Variants in SLC24A2 observed in about 807,000 individuals in gnomAD.
SLC24A2 encodes solute carrier family 24 member 2.
A neutral mutation model predicts 62.0 loss-of-function variants in SLC24A2; 36 were observed. The observed-to-expected ratio is 0.58, with a 90% CI of 0.44 to 0.77. The LOEUF (loss-of-function observed/expected upper bound fraction) is 0.77. SLC24A2 is among the 30% of genes least tolerant of loss of function. The pLI is 0.00. For synonymous variants in SLC24A2, 358 were observed against 294.0 expected (o/e 1.22, Z -2.23); for missense variants, 846 against 817.9 (o/e 1.03, Z -0.42).
intron 9 of SLC24A2, among the ~76,000 whole-genome samples, chr9:19,521,851 T>A (rs922309972): frequency 6.7e-6 from 1 of 149,758 alleles, no homozygotes; most frequent in African/African-American, 2.5e-5. Context: ...GGAGGGTGGC[T>A]ATTACTTTTT....
chr9:19,966,026 G>T, the SLC24A2 span, among the ~76,000 whole-genome samples: 1 of 152,164 alleles, frequency 6.6e-6, no homozygotes, highest in Non-Finnish European at 1.5e-5. Flanking sequence ...TCACAGGTGT[G>T]CAGCTTATTC....
At chr9:20,099,803 A>C in the SLC24A2 span, among the ~76,000 whole-genome samples, 1 of 151,978 alleles carries the variant, frequency 6.6e-6, no homozygotes, top group Non-Finnish European at 1.5e-5. Context: ...GCTGCAATAC[A>C]TAAGGCCTTG....
chr9:20,149,553 T>G, the SLC24A2 span, among the ~76,000 whole-genome samples: 1 of 152,040 alleles, frequency 6.6e-6, no homozygotes, highest in Non-Finnish European at 1.5e-5. Context: ...TTGTGGCTGC[T>G]CAATTTTGCT....
chr9:20,098,633 C>G, the SLC24A2 span, among the ~76,000 whole-genome samples: 7 of 152,214 alleles, frequency 4.6e-5, no homozygotes, highest in African/African-American at 1.4e-4. Flanking sequence ...GCCACTTCCC[C>G]TTTGTCCCTG....
At chr9:19,846,262 AC>A in the SLC24A2 span, among the ~76,000 whole-genome samples, 4 of 152,054 alleles carry the variant, frequency 2.6e-5, no homozygotes, top group African/African-American at 9.7e-5. Flanking sequence ...TATTTTATGA[AC>A]CCAAGTATGC....
At chr9:20,206,217 A>G in the SLC24A2 span, among the ~76,000 whole-genome samples, 1 of 152,212 alleles carries the variant, frequency 6.6e-6, no homozygotes, top group Admixed American at 6.5e-5. Flanking sequence ...AATTATCTGA[A>G]AAGTCTATAT....
At chr9:19,573,247 C>A in intron 7 of SLC24A2, 104 bp downstream of exon 7, 1 of 800,550 alleles carries the variant, frequency 1.2e-6, no homozygotes, top group Non-Finnish European at 2.2e-6. Flanking sequence ...GATTCCTGCC[C>A]AGCTGAGAGC....
At chr9:20,224,751 T>A in the SLC24A2 span, among the ~76,000 whole-genome samples, 1 of 151,864 alleles carries the variant, frequency 6.6e-6, no homozygotes, top group Admixed American at 6.6e-5. Context: ...CATCACCAGT[T>A]GGAAGGTGTA....
At chr9:20,287,645 A>G in the SLC24A2 span, among the ~76,000 whole-genome samples, 1 of 152,194 alleles carries the variant, frequency 6.6e-6, no homozygotes, top group Non-Finnish European at 1.5e-5. Context: ...TACACAAAAT[A>G]CGTGCCTTCG....
At chr9:19,755,233 C>T (rs1215179513) in intron 2 of SLC24A2, among the ~76,000 whole-genome samples, 4 of 152,116 alleles carry the variant, frequency 2.6e-5, no homozygotes, top group African/African-American at 9.7e-5. Context: ...GAATCCTTGC[C>T]AAGTACTTGG....
At chr9:19,802,226 A>T in the SLC24A2 span, among the ~76,000 whole-genome samples, 1 of 152,204 alleles carries the variant, frequency 6.6e-6, no homozygotes, top group Non-Finnish European at 1.5e-5. Flanking sequence ...TACGTTGTGT[A>T]TTCTTTATAA....
the SLC24A2 span, among the ~76,000 whole-genome samples, chr9:20,017,350 CTG>C: frequency 6.6e-6 from 1 of 152,120 alleles, no homozygotes; most frequent in Non-Finnish European, 1.5e-5. Flanking sequence ...AAACATAACA[CTG>C]TATGCATATT....
chr9:20,295,621 AACTGG>A, the SLC24A2 span, among the ~76,000 whole-genome samples: 42 of 129,880 alleles, frequency 3.2e-4, no homozygotes, highest in African/African-American at 1.3e-3. Context: ...ACAGAAGGTG[AACTGG>A]TCTTCCACTG....
At chr9:19,550,042 T>A in intron 8 of SLC24A2, 95 bp downstream of exon 8, 1 of 1,281,886 alleles carries the variant, frequency 7.8e-7, no homozygotes, top group Non-Finnish European at 1.1e-6. Context: ...CAAGTGTACT[T>A]CCTTTTTCCT....
At chr9:19,705,882 T>C (rs1820499815) in intron 2 of SLC24A2, among the ~76,000 whole-genome samples, 1 of 152,132 alleles carries the variant, frequency 6.6e-6, no homozygotes, top group Non-Finnish European at 1.5e-5. Flanking sequence ...ATAGGTGTGG[T>C]GTGGTGCTGA....
the SLC24A2 span, among the ~76,000 whole-genome samples, chr9:20,117,870 T>C: frequency 6.6e-6 from 1 of 152,150 alleles, no homozygotes; most frequent in Non-Finnish European, 1.5e-5. Context: ...ATTACACTAA[T>C]TTTACAGATG....
At chr9:20,221,161 T>C in the SLC24A2 span, among the ~76,000 whole-genome samples, 12 of 152,200 alleles carry the variant, frequency 7.9e-5, no homozygotes, top group East Asian at 9.7e-4. Flanking sequence ...ATCATGCTAA[T>C]TGCGATAAGT....
At chr9:20,082,275 C>T in the SLC24A2 span, among the ~76,000 whole-genome samples, 1 of 152,166 alleles carries the variant, frequency 6.6e-6, no homozygotes. Context: ...CCCTTATTAA[C>T]CCCAATTTTG....
At chr9:19,873,488 CTTCT>C in the SLC24A2 span, among the ~76,000 whole-genome samples, 1 of 122,056 alleles carries the variant, frequency 8.2e-6, no homozygotes, top group Non-Finnish European at 1.8e-5. Context: ...TCCTTCCTTC[CTTCT>C]CTTTCTTTCT....
Sources: gnomAD v4.1 joint callset for allele counts (sites outside exome capture counted in the v4.1 genomes callset) on GRCh38, gnomAD v4.1.1 for gene constraint, MANE v1.5 for transcripts, NCBI Gene and HGNC (gene_info 2026-07-23, HGNC 2026-07-21) for gene names.